Variants in ADGRL2 observed in about 807,000 individuals in gnomAD.
ADGRL2 encodes calcium-independent alpha-latrotoxin receptor 2.
In ADGRL2, 44 loss-of-function variants were observed where a neutral mutation model predicts 157.4. The ratio of observed to expected loss-of-function variants is 0.28; its 90% CI spans 0.22 to 0.36. The LOEUF is 0.36. ADGRL2 is among the 10% of genes least tolerant of loss of function. The pLI is 1.00. For synonymous variants in ADGRL2, 585 were observed against 624.7 expected (o/e 0.94, Z 0.95); for missense variants, 1,510 against 1,768.9 (o/e 0.85, Z 2.63).
intron 1 of ADGRL2, among the ~76,000 whole-genome samples, chr1:81,834,916 A>G (rs1157610610): frequency 6.6e-6 from 1 of 152,078 alleles, no homozygotes; most frequent in African/African-American, 2.4e-5. Context: ...TTTTCATAAG[A>G]TATTCTTTCC....
At chr1:81,990,302 A>G in intron 23 of ADGRL2, 89 bp from the exon 24 acceptor site, 1 of 1,525,028 alleles carries the variant, frequency 6.6e-7, no homozygotes, top group South Asian at 1.3e-5. Context: ...TTTGTCCTGA[A>G]CGACATTAAA....
chr1:81,433,143 C>T (rs1373253296), intron 1 of ADGRL2, among the ~76,000 whole-genome samples: 3 of 152,014 alleles, frequency 2.0e-5, no homozygotes, highest in Admixed American at 1.3e-4. Context: ...ATTTGTATGC[C>T]AAGAAATTTG....
intron 1 of ADGRL2, among the ~76,000 whole-genome samples, chr1:81,436,204 A>G (rs1409208214): frequency 6.6e-6 from 1 of 152,220 alleles, no homozygotes; most frequent in Non-Finnish European, 1.5e-5. Context: ...TCCAATCAGC[A>G]AAACACCAAA....
intron 1 of ADGRL2, among the ~76,000 whole-genome samples, chr1:81,712,758 T>C: frequency 2.0e-5 from 1 of 50,592 alleles, no homozygotes; most frequent in South Asian, 5.0e-4. Flanking sequence ...ATCGCGGATT[T>C]TTTTTTTTTT....
intron 1 of ADGRL2, chr1:81,723,040 T>TA (rs1290232994): frequency 1.3e-6 from 1 of 763,902 alleles, no homozygotes; most frequent in African/African-American, 1.7e-5. Context: ...ATCTTATCAG[T>TA]AAATTGTCAG....
In ADGRL2 at chr1:81,355,654, G is replaced by T. The variant is rs796916945; in HGVS notation, c.-302+49145G>T. Among the ~76,000 whole-genome samples the T allele has an allele frequency of 2.7e-3, 413 of 152,284 alleles. 5 individuals carry two copies. The South Asian group carries it at 0.052, about 19-fold the overall frequency. On this transcript the variant is annotated intron_variant, in intron 1 of 24. Coordinates refer to the ADGRL2 transcript ENST00000370721. The stretch of plus-strand genomic sequence containing the variant: ...AAGAAAGCATTACAGCACAAGAAGT[G>T]TACTACAGAGGCCAACATGCAGAAC...
intron 2 of ADGRL2, among the ~76,000 whole-genome samples, chr1:81,894,423 C>T (rs1295456032): frequency 1.3e-5 from 2 of 152,108 alleles, no homozygotes; most frequent in African/African-American, 4.8e-5. Flanking sequence ...ATAGTCACAG[C>T]ATTCACTAGA....
intron 2 of ADGRL2, among the ~76,000 whole-genome samples, chr1:81,892,674 AG>A (rs1285735462): frequency 2.9e-4 from 44 of 152,192 alleles, no homozygotes; most frequent in Non-Finnish European, 3.8e-4. Context: ...GCCAAATTTA[AG>A]GGTGTTGTAT....
chr1:81,666,437 G>A lies in ADGRL2; in HGVS notation c.-143+85457G>A, dbSNP rs150697166. Among the ~76,000 whole-genome samples the A allele has an allele frequency of 2.6e-5, 4 of 152,234 alleles. No individual in the cohort carries two copies. The South Asian group carries it at 6.2e-4, about 24-fold the overall frequency. ...AACCTTTTCAGCCAGAGATAAAAAC[G>A]TATTGATTGGTAACTGCTGAAGGAC... On this transcript the variant is annotated intron_variant, in intron 3 of 24. Coordinates refer to the ADGRL2 transcript ENST00000370721.
At chr1:81,404,402 C>T (rs1557663685) in intron 1 of ADGRL2, among the ~76,000 whole-genome samples, 1 of 152,140 alleles carries the variant, frequency 6.6e-6, no homozygotes, top group Non-Finnish European at 1.5e-5. Context: ...CCAAGAACTT[C>T]CAAATATTTA....
intron 2 of ADGRL2, among the ~76,000 whole-genome samples, chr1:81,895,903 A>T (rs1356358869): frequency 1.3e-5 from 2 of 152,188 alleles, no homozygotes; most frequent in Non-Finnish European, 2.9e-5. Context: ...GTGACAAAAA[A>T]GGAGTGGAAA....
intron 2 of ADGRL2, among the ~76,000 whole-genome samples, chr1:81,889,518 C>G (rs2094209216): frequency 6.6e-6 from 1 of 152,130 alleles, no homozygotes; most frequent in Non-Finnish European, 1.5e-5. Flanking sequence ...TTACAGTTAC[C>G]AGAGGTTAGC....
chr1:81,556,308 C>A (rs944971084), intron 2 of ADGRL2, among the ~76,000 whole-genome samples: 5 of 127,542 alleles, frequency 3.9e-5, no homozygotes, highest in Non-Finnish European at 6.6e-5. Flanking sequence ...CTCAGGCTGT[C>A]ACAATTTTTT....
At chr1:81,484,354 C>T (rs2078454357) in intron 2 of ADGRL2, among the ~76,000 whole-genome samples, 1 of 152,088 alleles carries the variant, frequency 6.6e-6, no homozygotes, top group Admixed American at 6.6e-5. Context: ...TATTTGGGCT[C>T]CAGGTTTCTG....
At chr1:81,793,469 A>G (rs1180711821) in intron 2 of ADGRL2, among the ~76,000 whole-genome samples, 1 of 152,142 alleles carries the variant, frequency 6.6e-6, no homozygotes, top group Non-Finnish European at 1.5e-5. Flanking sequence ...ATTAAGACAC[A>G]CATCTGTTTC....
chr1:81,345,242 T>C (rs1662395300), intron 1 of ADGRL2, among the ~76,000 whole-genome samples: 2 of 152,242 alleles, frequency 1.3e-5, no homozygotes, highest in South Asian at 2.1e-4. Context: ...CAAAGAATGG[T>C]TAGTTATTAA....
intron 17 of ADGRL2, among the ~76,000 whole-genome samples, chr1:81,975,613 G>A (rs1470168643): frequency 4.0e-5 from 6 of 151,622 alleles, no homozygotes; most frequent in African/African-American, 1.5e-4. Context: ...TAAAAGTAAG[G>A]AGGAGAAAGA....
At chr1:81,308,098 G>A (rs185428783) in intron 1 of ADGRL2, among the ~76,000 whole-genome samples, 3 of 152,186 alleles carry the variant, frequency 2.0e-5, no homozygotes, top group Non-Finnish European at 4.4e-5. Context: ...ATGTTTTATA[G>A]CAGTGGGTAA....
chr1:81,587,701 G>GT (rs2081054732), intron 3 of ADGRL2, among the ~76,000 whole-genome samples: 1 of 152,054 alleles, frequency 6.6e-6, no homozygotes, highest in African/African-American at 2.4e-5. Context: ...TAAGAATCGT[G>GT]CTTTAAAAAA....
Sources: allele counts gnomAD v4.1 joint callset (sites outside exome capture counted in the v4.1 genomes callset), GRCh38; gene constraint gnomAD v4.1.1; transcripts MANE v1.5; gene names NCBI Gene and HGNC (gene_info 2026-07-23, HGNC 2026-07-21).